The following ZNF527 variants were observed in gnomAD, a reference collection of about 807,000 sequenced individuals.
The protein encoded by ZNF527 is zinc finger protein 527.
In ZNF527, 5 loss-of-function variants were observed where a neutral mutation model predicts 13.5. The ratio of observed to expected loss-of-function variants is 0.37; its 90% CI spans 0.19 to 0.78. The LOEUF is 0.78. Among genes scored for constraint, ZNF527 ranks in the 30% least tolerant of loss-of-function variants. ZNF527 has a pLI of 0.48. For synonymous variants in ZNF527, 209 were observed against 243.1 expected, an observed-to-expected ratio of 0.86 and a Z score of 1.30; for missense variants, 628 against 726.4, an observed-to-expected ratio of 0.86 and a Z score of 1.56.
At position 37,388,478 on chromosome 19, in the gene ZNF527, G is replaced by A. The variant is rs754915502; in HGVS notation, c.429G>A (p.Ala143=). The change falls in exon 5 of 5, where the codon GCG becomes GCA. Residue 143 remains alanine, a synonymous_variant. Coordinates refer to ENST00000436120, the MANE Select transcript of ZNF527 (RefSeq NM_032453.2). The part of the protein sequence containing the change: ...KGEFELHQGN[A]ERHFMQVTAV... ...AATTTGAGCTACATCAGGGAAATGC[G>A]GAGAGGCATTTCATGCAAGTGACAG... The A allele has an allele frequency of 2.9e-5, 47 of 1,613,926 alleles. No homozygotes were observed. Among genetic ancestry groups the A allele is most frequent in the Middle Eastern group, 3.3e-4 (2 of 6,084 alleles).
At chr19:37,377,620 A>C (rs1036710041) in intron 2 of ZNF527, among the ~76,000 whole-genome samples, 1 of 152,218 alleles carries the variant, frequency 6.6e-6, no homozygotes, top group African/African-American at 2.4e-5. Context: ...TAGAGAAACT[A>C]TAAAGGATCA....
Position 37,382,720 on chromosome 19 carries a change from T to G in ZNF527, c.256+2348T>G, listed in dbSNP as rs1434775035. On this transcript the variant is annotated intron_variant, in intron 4 of 4. Transcript: ENST00000436120. ...TATTTCAGGTCCATTTGTTACTGTT[T>G]TTGTTTGAGATGGAGTCTCGCTCTG... Among the ~76,000 whole-genome samples the G allele has an allele frequency of 2.0e-5, 3 of 152,196 alleles. No individual in the cohort carries two copies. The East Asian group carries it at 5.8e-4, about 29-fold the overall frequency.
intron 4 of ZNF527, among the ~76,000 whole-genome samples, chr19:37,382,480 A>T (rs904447442): frequency 4.0e-5 from 6 of 151,752 alleles, no homozygotes; most frequent in Non-Finnish European, 7.4e-5. Flanking sequence ...TTCCTCCTTG[A>T]CTTATTTGTA....
chr19:37,376,712 G>A (rs117047112), intron 2 of ZNF527, among the ~76,000 whole-genome samples: 1,929 of 146,976 alleles, frequency 0.013, 45 homozygotes, highest in East Asian at 0.052. Flanking sequence ...AAAAAGGCAG[G>A]AAAAAGAGAA....
In ZNF527 at chr19:37,384,864, A is replaced by G. The variant is rs989920020; in HGVS notation, c.257-3442A>G. ...ACATTTTTTTGTTTTGTTTTTTGAGACAGGTTCTCACTCTGTTGCCCAGGC... is the reference window on the plus strand; with the variant it reads ...ACATTTTTTTGTTTTGTTTTTTGAGGCAGGTTCTCACTCTGTTGCCCAGGC... On this transcript the variant is annotated intron_variant, in intron 4 of 4. Transcript: ENST00000436120. The G allele has an allele frequency of 5.9e-6, 4 of 677,090 alleles. No individual in the cohort carries two copies. In the East Asian group the frequency reaches 1.1e-4, roughly 18 times the overall value. The allele number at this position is 677,090 out of a possible 1,614,324, so 41.9% of individuals were successfully genotyped here. A position where few individuals can be genotyped will look rare whatever the true frequency, so the allele number is the denominator to read the frequency against.
chr19:37,380,164 C>A (rs2040641804), intron 3 of ZNF527, 113 bp from the exon 4 acceptor site: 1 of 1,482,014 alleles, frequency 6.7e-7, no homozygotes, highest in Non-Finnish European at 9.0e-7. Flanking sequence ...AATGTCCATT[C>A]TTGCCTGATG....
chr19:37,384,744 C>A, intron 4 of ZNF527: 3 of 519,368 alleles, frequency 5.8e-6, no homozygotes, highest in East Asian at 3.0e-5. Context: ...AAGGGAAATG[C>A]TGTTATGGTT....
rs771710196 is a variant in ZNF527, at chr19:37,389,779, C to CTTATAAATG, written c.1731_1732insTATAAATGT (p.Ala577_Gly578insTyrLysCys). The CTTATAAATG allele has an allele frequency of 2.0e-5, 32 of 1,613,504 alleles. 1 individual carries two copies. In the South Asian group the frequency reaches 3.2e-4, roughly 16 times the overall value. ...CTAAGACTACACCAGAGAATTCACG[C>CTTATAAATG]TGGAGAAAAACCTTATAAATGTAAC... On this transcript the variant is annotated inframe_insertion, in exon 5 of 5. Coordinates refer to ENST00000436120, the MANE Select transcript of ZNF527 (RefSeq NM_032453.2).
chr19:37,389,154 C>T lies in ZNF527; in HGVS notation c.1105C>T (p.Arg369Cys). 5 of 1,613,600 alleles carry T rather than the reference C, an allele frequency of 3.1e-6. No homozygotes were observed. Among genetic ancestry groups the T allele is most frequent in the Middle Eastern group, 1.6e-4 (1 of 6,062 alleles). The change falls in exon 5 of 5, where the codon CGT (arginine) becomes TGT (cysteine). Residue 369 changes from arginine to cysteine, a missense_variant. Transcript: ENST00000436120. Reference sequence around the variant, plus strand: ...CAATGAATGTGGGAAGGCCTTTAGCCGTTATGCCTTCCTTGTTGAACATCA... The same window carrying T: ...CAATGAATGTGGGAAGGCCTTTAGCTGTTATGCCTTCCTTGTTGAACATCA... The part of the protein sequence containing the change: ...ACNECGKAFS[R>C]YAFLVEHQRI...
intron 2 of ZNF527, 111 bp from the exon 3 acceptor site, chr19:37,379,009 A>G: frequency 3.3e-6 from 4 of 1,205,154 alleles, no homozygotes; most frequent in Non-Finnish European, 4.7e-6. Context: ...GTTCTCCAAT[A>G]ATTATTTTCC....
intron 2 of ZNF527, among the ~76,000 whole-genome samples, chr19:37,375,199 G>A (rs1362112527): frequency 6.6e-6 from 1 of 151,828 alleles, no homozygotes; most frequent in Non-Finnish European, 1.5e-5. Flanking sequence ...TTATACATCT[G>A]GAGTTCAGGA....
In ZNF527 at chr19:37,373,149, AGTT is replaced by A. The variant is rs530398163; in HGVS notation, c.-41-1008_-41-1006del. Among the ~76,000 whole-genome samples, 7 of 152,310 alleles carry A rather than the reference AGTT, an allele frequency of 4.6e-5. No individual in the cohort carries two copies. In the East Asian group the frequency reaches 1.4e-3, roughly 29 times the overall value. ...CTTTGTAGTTTTGTGGAGCAGTAGT[AGTT>A]CTGAGGATTAAATGAGATAATGACA... On this transcript the variant is annotated intron_variant, in intron 1 of 4. Coordinates refer to ENST00000436120, the MANE Select transcript of ZNF527 (RefSeq NM_032453.2).
In ZNF527 at chr19:37,388,362, G is replaced by C. The variant is rs144385271; in HGVS notation, c.313G>C (p.Asp105His). 8.7e-6 allele frequency: 14 copies of C among 1,613,974 alleles called. No homozygotes were observed. The African/African-American group carries it at 1.9e-4, about 22-fold the overall frequency. Residue 105 changes from aspartate to histidine, a missense_variant, in exon 5 of 5, where the codon GAT becomes CAT. By Grantham distance (81) the Asp-to-His change is moderately conservative. Transcript: ENST00000436120. ...ELSPKWFIDE[D>H]EISQEMVMER... ...ATCTCCAAAATGGTTCATTGATGAAGATGAAATATCCCAGGAGATGGTAAT... is the reference window on the plus strand; with the variant it reads ...ATCTCCAAAATGGTTCATTGATGAACATGAAATATCCCAGGAGATGGTAAT...
At position 37,389,014 on chromosome 19, in the gene ZNF527, G is replaced by T. The variant is rs1315626867; in HGVS notation, c.965G>T (p.Arg322Ile). 1.2e-5 allele frequency: 19 copies of T among 1,614,050 alleles called. No homozygotes were observed. Among genetic ancestry groups the T allele is most frequent in the Non-Finnish European group, 1.6e-5 (19 of 1,180,046 alleles). Residue 322 changes from arginine to isoleucine, a missense_variant, in exon 5 of 5, where the codon AGA becomes ATA. Physicochemically the swap from Arg to Ile is moderately conservative, Grantham distance 97 (BLOSUM62 -3). Coordinates refer to ENST00000436120, the MANE Select transcript of ZNF527 (RefSeq NM_032453.2). ...SHDFFLSEHQ[R>I]THIGEKPYEC... ...GACTTCTTTCTCAGTGAACATCAAA[G>T]AACTCATATTGGGGAGAAACCTTAT... is the stretch of plus-strand genomic sequence containing the variant.
Position 37,388,738 on chromosome 19 carries a change from G to A in ZNF527, c.689G>A (p.Ser230Asn), listed in dbSNP as rs1568697967. The A allele has an allele frequency of 1.2e-6, 2 of 1,612,920 alleles. No individual in the cohort carries two copies. The highest frequency in any genetic ancestry group is 2.2e-5 in the East Asian group (1 of 44,870). ...AATGAATGTGAAGAATTCAACCAGA[G>A]TACGTACCTTAGTAAAGATATAGGA... The part of the protein sequence containing the change: ...IGNECEEFNQ[S>N]TYLSKDIGIP... The change falls in exon 5 of 5, where the codon AGT becomes AAT. Residue 230 changes from serine to asparagine, a missense_variant. By Grantham distance (46) the Ser-to-Asn change is conservative (BLOSUM62 1). This residue lies in a region of ZNF527 where 592 missense variants were observed against 678.0 expected (regional missense o/e 0.87). Coordinates refer to ENST00000436120, the MANE Select transcript of ZNF527 (RefSeq NM_032453.2).
chr19:37,388,802 T>C lies in ZNF527; in HGVS notation c.753T>C (p.Phe251=), dbSNP rs1305593883. 6.2e-7 allele frequency: 1 copy of C among 1,612,758 alleles called. No individual in the cohort carries two copies. Among genetic ancestry groups the C allele is most frequent in the East Asian group, 2.2e-5 (1 of 44,890 alleles). ...AGAAACCTTATGAAAGTCATGATTT[T>C]TCAAAGCTCTTAAGTTTCCACTCAT... ...PGEKPYESHD[F]SKLLSFHSLF... The change falls in exon 5 of 5, where the codon TTT becomes TTC. Residue 251 remains phenylalanine, a synonymous_variant. Coordinates refer to ENST00000436120, the MANE Select transcript of ZNF527 (RefSeq NM_032453.2).
At chr19:37,388,218 C>T (rs1839830977) in intron 4 of ZNF527, 88 bp from the exon 5 acceptor site, 24 of 1,462,750 alleles carry the variant, frequency 1.6e-5, no homozygotes, top group Non-Finnish European at 2.0e-5. Context: ...TCCTTCCCCC[C>T]AGTTAAATTC....
intron 2 of ZNF527, among the ~76,000 whole-genome samples, chr19:37,375,903 A>G (rs1265164619): frequency 6.6e-6 from 1 of 152,242 alleles, no homozygotes; most frequent in Non-Finnish European, 1.5e-5. Flanking sequence ...CAACTGAGCT[A>G]AGTTCCTCTG....
At chr19:37,372,462 CT>C (rs869047190) in intron 1 of ZNF527, among the ~76,000 whole-genome samples, 4 of 106,676 alleles carry the variant, frequency 3.7e-5, no homozygotes, top group African/African-American at 1.4e-4. Flanking sequence ...CTTTTCTTTT[CT>C]TTTCTTTTTT....
Sources: allele counts gnomAD v4.1 joint callset (sites outside exome capture counted in the v4.1 genomes callset), GRCh38; gene constraint gnomAD v4.1.1; regional missense constraint gnomAD v4.1.1; transcripts MANE v1.5; gene names NCBI Gene and HGNC (gene_info 2026-07-23, HGNC 2026-07-21).